Variants in SGK1 observed in about 807,000 individuals in gnomAD.
SGK1 encodes serum/glucocorticoid regulated kinase 1.
SGK1 carries 26 observed loss-of-function variants against 64.2 expected under a neutral mutation model. That is an observed-to-expected ratio of 0.40 (90% CI 0.30 to 0.56). SGK1 has a LOEUF of 0.56. Ranked by LOEUF, SGK1 falls within the 20% of genes least tolerant of loss-of-function variation. The probability of loss-of-function intolerance (pLI) is 0.38; values close to 1 mark genes in which losing one functional copy is unlikely to be tolerated. For missense variants in SGK1, 519 were observed against 645.6 expected, an observed-to-expected ratio of 0.80 and a Z score of 2.12; for synonymous variants, 265 against 239.7, an observed-to-expected ratio of 1.11 and a Z score of -0.98.
intron 1 of SGK1, among the ~76,000 whole-genome samples, chr6:134,292,206 G>A (rs1376646886): frequency 1.3e-5 from 2 of 152,192 alleles, no homozygotes; most frequent in African/African-American, 4.8e-5. Flanking sequence ...AGTGAGACTC[G>A]TTTTACAGAT....
At chr6:134,282,258 TA>T (rs773608042) in intron 1 of SGK1, among the ~76,000 whole-genome samples, 20 of 152,104 alleles carry the variant, frequency 1.3e-4, no homozygotes, top group Non-Finnish European at 2.6e-4. Context: ...CTGATTGTAA[TA>T]GGGGTATTGA....
chr6:134,252,591 TG>T (rs1257077359), intron 2 of SGK1, among the ~76,000 whole-genome samples: 3 of 100,876 alleles, frequency 3.0e-5, no homozygotes, highest in Non-Finnish European at 5.3e-5. Context: ...CTCTCCAGCC[TG>T]GGCAACAGAG....
intron 2 of SGK1, among the ~76,000 whole-genome samples, chr6:134,231,195 A>G (rs1042381584): frequency 6.6e-6 from 1 of 152,228 alleles, no homozygotes; most frequent in Non-Finnish European, 1.5e-5. Flanking sequence ...TATTAAAAAA[A>G]ATAAACCAAA....
intron 3 of SGK1, among the ~76,000 whole-genome samples, chr6:134,194,375 A>C (rs1582702277): frequency 1.3e-5 from 2 of 152,110 alleles, no homozygotes; most frequent in Non-Finnish European, 2.9e-5. Context: ...TGTGTACCTC[A>C]CTTCCAGTTC....
intron 1 of SGK1, among the ~76,000 whole-genome samples, chr6:134,264,213 G>C (rs1038389883): frequency 2.0e-5 from 3 of 151,090 alleles, no homozygotes; most frequent in East Asian, 1.9e-4. Context: ...TCTGCCTCCT[G>C]GGTTCACGCC....
chr6:134,285,961 T>G (rs1374701330), intron 1 of SGK1, among the ~76,000 whole-genome samples: 1 of 152,200 alleles, frequency 6.6e-6, no homozygotes, highest in Non-Finnish European at 1.5e-5. Context: ...AGTAATTTTC[T>G]TGTGAAAAGT....
At chr6:134,252,813 C>T (rs1776625714) in intron 2 of SGK1, among the ~76,000 whole-genome samples, 1 of 151,980 alleles carries the variant, frequency 6.6e-6, no homozygotes, top group Non-Finnish European at 1.5e-5. Context: ...ACACCTCTCT[C>T]CAGAGACCAT....
chr6:134,264,105 C>T (rs1046574303), intron 1 of SGK1, among the ~76,000 whole-genome samples: 7 of 150,312 alleles, frequency 4.7e-5, no homozygotes, highest in Non-Finnish European at 7.4e-5. Context: ...TATAAACATG[C>T]AATTTTCTTT....
chr6:134,312,673 T>G (rs1777624055), intron 1 of SGK1, among the ~76,000 whole-genome samples: 1 of 152,330 alleles, frequency 6.6e-6, no homozygotes, highest in East Asian at 1.9e-4. Flanking sequence ...TAACTAGCTA[T>G]GTGACTTGGG....
At chr6:134,297,648 G>A (rs548847020) in intron 1 of SGK1, 16 of 438,456 alleles carry the variant, frequency 3.6e-5, no homozygotes, top group Non-Finnish European at 5.6e-5. Context: ...AATTACAGGC[G>A]TGCACCACCA....
chr6:134,203,593 C>T (rs555041396), intron 3 of SGK1, among the ~76,000 whole-genome samples: 2 of 152,134 alleles, frequency 1.3e-5, no homozygotes, highest in South Asian at 2.1e-4. Flanking sequence ...CTATAAGACA[C>T]AGGTTGAAAG....
Position 134,285,399 on chromosome 6 carries a change from A to T in SGK1, c.70-23251T>A, listed in dbSNP as rs142100281. 8.5e-3 allele frequency among the ~76,000 whole-genome samples: 1,285 copies of T among 150,724 alleles called. 19 individuals are homozygous for T. The highest frequency in any genetic ancestry group is 0.03 in the African/African-American group (1,219 of 40,942). On this transcript the variant is annotated intron_variant, in intron 1 of 13. Transcript: ENST00000367858. ...AGGCTGAGGAAGGAAAATCACTTGA[A>T]CCAGGGAGGCAGAGGTTGCAGCGAG...
chr6:134,199,882 A>G (rs1382583590), intron 3 of SGK1, among the ~76,000 whole-genome samples: 1 of 152,216 alleles, frequency 6.6e-6, no homozygotes, highest in African/African-American at 2.4e-5. Context: ...TATGTTTCTT[A>G]CCTGGCAAAA....
At chr6:134,307,107 A>T (rs1777546510) in intron 1 of SGK1, among the ~76,000 whole-genome samples, 1 of 152,244 alleles carries the variant, frequency 6.6e-6, no homozygotes, top group African/African-American at 2.4e-5. Flanking sequence ...CTGAAATTCC[A>T]TCTGATAGAG....
intron 2 of SGK1, chr6:134,211,486 G>C (rs1437619138): frequency 6.2e-6 from 1 of 160,906 alleles, no homozygotes; most frequent in Non-Finnish European, 1.4e-5. Context: ...ATTTGGCCAG[G>C]GTTCTCGCTC....
At chr6:134,198,724 C>CTGTTTTT (rs1459010325) in intron 3 of SGK1, among the ~76,000 whole-genome samples, 1 of 65,950 alleles carries the variant, frequency 1.5e-5, no homozygotes, top group African/African-American at 5.1e-5. Flanking sequence ...TTCTCTTTTT[C>CTGTTTTT]TATTTTTTTT....
chr6:134,266,218 C>T (rs1359539856), intron 1 of SGK1, among the ~76,000 whole-genome samples: 2 of 148,710 alleles, frequency 1.3e-5, no homozygotes, highest in Non-Finnish European at 3.0e-5. Flanking sequence ...CTCCTGATCT[C>T]GGGTGATCCA....
chr6:134,258,400 AAATAAT>A (rs1165132719), intron 2 of SGK1, among the ~76,000 whole-genome samples: 2 of 152,066 alleles, frequency 1.3e-5, no homozygotes, highest in African/African-American at 4.8e-5. Flanking sequence ...TTAACGATTA[AAATAAT>A]AATAATAAAA....
In SGK1 at chr6:134,172,174, A is replaced by C; in HGVS notation, c.1071+19T>G. 1 of 1,610,732 alleles carries C rather than the reference A, an allele frequency of 6.2e-7. No individual in the cohort carries two copies. The highest frequency in any genetic ancestry group is 8.5e-7 in the Non-Finnish European group (1 of 1,178,980). On this transcript the variant is annotated intron_variant, in intron 10 of 13. Coordinates refer to ENST00000367858, the MANE Select transcript of SGK1 (RefSeq NM_001143676.3). ...GGAAGGCGGGGGTAAACCAGGCACC[A>C]AACCAAGACAGCGCCTACCTCCGGC... is the stretch of plus-strand genomic sequence containing the variant.
Sources: gnomAD v4.1 joint callset for allele counts (sites outside exome capture counted in the v4.1 genomes callset) on GRCh38, gnomAD v4.1.1 for gene constraint, MANE v1.5 for transcripts, NCBI Gene and HGNC (gene_info 2026-07-23, HGNC 2026-07-21) for gene names.